ERC1: variants seen among roughly 807,000 people sequenced by gnomAD.
The protein encoded by ERC1 is ELKS/RAB6-interacting/CAST family member 1, also known as RAB6 interacting protein 2.
Under a neutral mutation model 132.0 loss-of-function variants are expected in ERC1, and 56 were observed. That is an observed-to-expected ratio of 0.42 (90% CI 0.34 to 0.53). The LOEUF is 0.53. ERC1 is among the 20% of genes least tolerant of loss of function. ERC1 has a pLI of 0.03. For synonymous variants in ERC1, 478 were observed against 476.1 expected (o/e 1.00, Z -0.05); for missense variants, 1,202 against 1,349.9 (o/e 0.89, Z 1.72).
chr12:1,093,194 A>G (rs1051953617), intron 3 of ERC1, among the ~76,000 whole-genome samples: 11 of 152,244 alleles, frequency 7.2e-5, no homozygotes, highest in Admixed American at 1.3e-4. Context: ...CAGGTAAATA[A>G]TTCTCCCCCC....
rs145721805 is a variant in ERC1, at chr12:1,215,312, T to TA, written c.2352-21452dup. Among the ~76,000 whole-genome samples the TA allele has an allele frequency of 3.3e-3, 502 of 152,188 alleles. 2 individuals carry two copies. The highest frequency in any genetic ancestry group is 6.8e-3 in the Middle Eastern group (2 of 294). The stretch of plus-strand genomic sequence containing the variant: ...TGTACTATAAGCAGCAAACTTTTTT[T>TA]AAAAAGTAATTTGACAAAATTTCTG... On this transcript the variant is annotated intron_variant, in intron 12 of 18. Transcript: ENST00000360905.
intron 7 of ERC1, among the ~76,000 whole-genome samples, chr12:1,123,265 C>CA (rs1307754582): frequency 6.6e-6 from 1 of 152,006 alleles, no homozygotes; most frequent in Non-Finnish European, 1.5e-5. Context: ...TTCAAACCGT[C>CA]AGAGTAAAAC....
At chr12:1,477,937 T>C (rs1487374786) in intron 18 of ERC1, among the ~76,000 whole-genome samples, 1 of 152,254 alleles carries the variant, frequency 6.6e-6, no homozygotes, top group Non-Finnish European at 1.5e-5. Context: ...AGTTCATTCA[T>C]TCTCATTGCT....
intron 15 of ERC1, among the ~76,000 whole-genome samples, chr12:1,362,527 G>A (rs1283821242): frequency 6.6e-6 from 1 of 152,086 alleles, no homozygotes; most frequent in Non-Finnish European, 1.5e-5. Context: ...TATTCATAGG[G>A]TAATTTGTAT....
At chr12:998,537 C>T (rs1961433885) in intron 1 of ERC1, 1 of 152,174 alleles carries the variant, frequency 6.6e-6, no homozygotes, top group African/African-American at 2.4e-5. Flanking sequence ...TATGATATCT[C>T]AGTGCTTCTG....
At chr12:1,291,501 T>C (rs1469892129) in intron 15 of ERC1, among the ~76,000 whole-genome samples, 1 of 152,184 alleles carries the variant, frequency 6.6e-6, no homozygotes, top group Non-Finnish European at 1.5e-5. Context: ...AGATTTAGTC[T>C]ACCTAGAGAA....
intron 18 of ERC1, among the ~76,000 whole-genome samples, chr12:1,463,810 C>T (rs1457737072): frequency 6.6e-6 from 1 of 151,492 alleles, no homozygotes; most frequent in Admixed American, 6.6e-5. Flanking sequence ...CTTTCTTCTT[C>T]TGTGACAGCT....
At chr12:1,122,697 A>AT (rs1947705818) in intron 7 of ERC1, among the ~76,000 whole-genome samples, 1 of 106,730 alleles carries the variant, frequency 9.4e-6, no homozygotes, top group Non-Finnish European at 2.2e-5. Context: ...ATATCTATCT[A>AT]AATCTCTGAA....
chr12:1,183,906 C>CG (rs370801871), intron 11 of ERC1, among the ~76,000 whole-genome samples: 3,502 of 152,016 alleles, frequency 0.023, 127 homozygotes, highest in African/African-American at 0.079. Flanking sequence ...GAGGCCGAGG[C>CG]GGGCAGATGA....
At chr12:1,072,913 T>A (rs1185060386) in intron 2 of ERC1, among the ~76,000 whole-genome samples, 1 of 152,120 alleles carries the variant, frequency 6.6e-6, no homozygotes, top group East Asian at 1.9e-4. Flanking sequence ...TGCTGGTCTC[T>A]AACTCCTGAC....
At chr12:1,017,520 C>T (rs568827866) in intron 1 of ERC1, among the ~76,000 whole-genome samples, 10 of 121,200 alleles carry the variant, frequency 8.3e-5, no homozygotes, top group African/African-American at 2.8e-4. Context: ...TTTTTTGAGA[C>T]GGTGTCTTGC....
chr12:1,190,944 A>T (rs1955664000), intron 12 of ERC1, among the ~76,000 whole-genome samples: 1 of 151,674 alleles, frequency 6.6e-6, no homozygotes, highest in Non-Finnish European at 1.5e-5. Context: ...ACTTCCATAA[A>T]TTTTTTACTA....
chr12:1,250,688 T>G (rs1442264606), intron 13 of ERC1, among the ~76,000 whole-genome samples: 1 of 152,188 alleles, frequency 6.6e-6, no homozygotes, highest in Non-Finnish European at 1.5e-5. Context: ...CCATCTTCCC[T>G]TAGTTGAGAA....
At chr12:1,409,311 C>G (rs2154395016) in intron 17 of ERC1, among the ~76,000 whole-genome samples, 1 of 152,252 alleles carries the variant, frequency 6.6e-6, no homozygotes, top group East Asian at 1.9e-4. Flanking sequence ...ATCATTTTAC[C>G]TTTTCTGCCT....
At position 1,145,696 on chromosome 12, in the gene ERC1, A is replaced by G. The variant is rs1307088147; in HGVS notation, c.1737+3909A>G. ...TCCAGTGTTATCTTCTAGAATTTTT[A>G]TGGTTTCAAGTCTTAGATTTAAGTC... On this transcript the variant is annotated intron_variant, in intron 8 of 18. Coordinates refer to ENST00000360905, the MANE Select transcript of ERC1 (RefSeq NM_178040.4). Among the ~76,000 whole-genome samples the G allele has an allele frequency of 3.9e-5, 6 of 152,124 alleles. No homozygotes were observed. In the East Asian group the frequency reaches 1.2e-3, roughly 29 times the overall value.
At chr12:1,335,882 TTTGGTTGG>T (rs140091838) in intron 15 of ERC1, among the ~76,000 whole-genome samples, 23 of 151,934 alleles carry the variant, frequency 1.5e-4, no homozygotes, top group Admixed American at 2.0e-4. Context: ...TGTTTATTTA[TTTGGTTGG>T]TTGGTTGGTT....
At chr12:996,249 C>CTTT (rs35403554) in intron 1 of ERC1, among the ~76,000 whole-genome samples, 3,055 of 43,646 alleles carry the variant, frequency 0.07, 613 homozygotes, top group Non-Finnish European at 0.1. Context: ...CCATGCCTGG[C>CTTT]TTTTTTTTTT....
chr12:1,152,373 G>A (rs1950915678), intron 8 of ERC1: 1 of 152,250 alleles, frequency 6.6e-6, no homozygotes, highest in African/African-American at 2.4e-5. Context: ...TGTTGTACTA[G>A]GACACTATAA....
At chr12:1,165,687 T>C (rs573808996) in intron 8 of ERC1, among the ~76,000 whole-genome samples, 1 of 152,300 alleles carries the variant, frequency 6.6e-6, no homozygotes, top group Admixed American at 6.5e-5. Context: ...TTTTGTGTTA[T>C]TTGAGGGGGA....
Sources: gnomAD v4.1 joint callset for allele counts (sites outside exome capture counted in the v4.1 genomes callset) on GRCh38, gnomAD v4.1.1 for gene constraint, MANE v1.5 for transcripts, NCBI Gene and HGNC (gene_info 2026-07-23, HGNC 2026-07-21) for gene names.